IGF2BP2: variants seen among roughly 807,000 people sequenced by gnomAD.
The protein encoded by IGF2BP2 is insulin like growth factor 2 mRNA binding protein 2.
Under a neutral mutation model 75.8 loss-of-function variants are expected in IGF2BP2, and 17 were observed. The ratio of observed to expected loss-of-function variants is 0.22; its 90% CI spans 0.15 to 0.34. The LOEUF (loss-of-function observed/expected upper bound fraction) is 0.34. Among genes scored for constraint, IGF2BP2 ranks in the 10% least tolerant of loss-of-function variants. The pLI is 1.00. For synonymous variants in IGF2BP2, 288 were observed against 295.6 expected, an observed-to-expected ratio of 0.97 and a Z score of 0.26; for missense variants, 516 against 772.4, an observed-to-expected ratio of 0.67 and a Z score of 3.93.
At chr3:185,705,398 C>A (rs1191036927) in intron 2 of IGF2BP2, among the ~76,000 whole-genome samples, 4 of 152,168 alleles carry the variant, frequency 2.6e-5, no homozygotes, top group Non-Finnish European at 4.4e-5. Context: ...CCCAGCCCTG[C>A]AAAGGGTTTT....
chr3:185,796,631 A>AG (rs558852219), intron 2 of IGF2BP2, among the ~76,000 whole-genome samples: 60 of 141,812 alleles, frequency 4.2e-4, no homozygotes, highest in African/African-American at 7.3e-4. Flanking sequence ...AAAAAAAAAA[A>AG]AAAGAGAGAG....
At chr3:185,752,918 ATAAG>A (rs778032954) in intron 2 of IGF2BP2, among the ~76,000 whole-genome samples, 3 of 152,312 alleles carry the variant, frequency 2.0e-5, no homozygotes, top group South Asian at 4.2e-4. Context: ...TTTTAAAAAA[ATAAG>A]TAAGAGGGAG....
chr3:185,700,599 A>G (rs1420502950), intron 2 of IGF2BP2, among the ~76,000 whole-genome samples: 1 of 152,234 alleles, frequency 6.6e-6, no homozygotes, highest in East Asian at 1.9e-4. Context: ...CAGTCTGTAG[A>G]AAGGGCATCA....
chr3:185,673,455 A>G (rs1325753764), intron 9 of IGF2BP2, among the ~76,000 whole-genome samples: 1 of 152,220 alleles, frequency 6.6e-6, no homozygotes, highest in Non-Finnish European at 1.5e-5. Context: ...GATGGTTTAC[A>G]ACTTTGTCTC....
intron 2 of IGF2BP2, among the ~76,000 whole-genome samples, chr3:185,813,068 T>C (rs947483276): frequency 1.3e-5 from 2 of 152,208 alleles, no homozygotes; most frequent in Non-Finnish European, 2.9e-5. Context: ...TCTCGTGATG[T>C]AGAAATAATT....
At chr3:185,673,281 G>A (rs1325647007) in intron 9 of IGF2BP2, among the ~76,000 whole-genome samples, 3 of 152,116 alleles carry the variant, frequency 2.0e-5, no homozygotes, top group South Asian at 2.1e-4. Flanking sequence ...ACTTAGTGTC[G>A]TGTTCTCAGT....
intron 10 of IGF2BP2, among the ~76,000 whole-genome samples, chr3:185,663,829 T>C (rs1452799063): frequency 6.6e-6 from 1 of 152,266 alleles, no homozygotes; most frequent in Middle Eastern, 3.2e-3. Context: ...AAACCATCCT[T>C]GCATCCCAGG....
chr3:185,811,832 C>G (rs1348220054), intron 2 of IGF2BP2, among the ~76,000 whole-genome samples: 1 of 34,730 alleles, frequency 2.9e-5, no homozygotes, highest in Admixed American at 3.6e-4. Flanking sequence ...AGTAGGGTGT[C>G]TCTCTCTCTC....
rs1156510512 is a variant in IGF2BP2, at chr3:185,692,692, T to C, written c.404+7A>G. 1.9e-6 allele frequency: 3 copies of C among 1,608,518 alleles called. No homozygotes were observed. The Admixed American group carries it at 5.0e-5, about 27-fold the overall frequency. On this transcript the variant is annotated splice_region_variant and intron_variant, in intron 5 of 15. Transcript: ENST00000382199. Reference sequence around the variant, plus strand: ...ATTTAAACAGAAATAAGCCCAAATCTGCTTACATTTTTGCTTCTTCTCTTG... The same window carrying C: ...ATTTAAACAGAAATAAGCCCAAATCCGCTTACATTTTTGCTTCTTCTCTTG...
chr3:185,781,158 T>C (rs1386983383), intron 2 of IGF2BP2, among the ~76,000 whole-genome samples: 3 of 152,208 alleles, frequency 2.0e-5, no homozygotes, highest in Non-Finnish European at 4.4e-5. Context: ...ACTACTACCC[T>C]ATCCTCAACA....
chr3:185,734,879 T>C (rs948809011), intron 2 of IGF2BP2, among the ~76,000 whole-genome samples: 1 of 152,102 alleles, frequency 6.6e-6, no homozygotes, highest in African/African-American at 2.4e-5. Flanking sequence ...CCATTTGACC[T>C]TGGCCAATTA....
intron 6 of IGF2BP2, among the ~76,000 whole-genome samples, chr3:185,688,062 C>T (rs1314831331): frequency 6.6e-6 from 1 of 152,126 alleles, no homozygotes; most frequent in African/African-American, 2.4e-5. Flanking sequence ...ACTTCCCTCT[C>T]TATTTCCTCA....
In IGF2BP2 at chr3:185,787,457, G is replaced by A. The variant is rs550665374; in HGVS notation, c.239+35696C>T. ...GGCTAAAAGAGCTCTGACAGGCCGG[G>A]CGCGGCGGCTCACGCCTGTAATCCC... On this transcript the variant is annotated intron_variant, in intron 2 of 15. Transcript: ENST00000382199. Among the ~76,000 whole-genome samples, 7 of 152,330 alleles carry A rather than the reference G, an allele frequency of 4.6e-5. No homozygotes were observed. In the East Asian group the frequency reaches 1.3e-3, roughly 29 times the overall value.
chr3:185,789,261 C>A (rs1313263073), intron 2 of IGF2BP2, among the ~76,000 whole-genome samples: 6 of 152,134 alleles, frequency 3.9e-5, no homozygotes, highest in African/African-American at 1.2e-4. Context: ...TAACTGTTTA[C>A]AGCAGTTCCC....
At chr3:185,806,418 G>A (rs1292058263) in intron 2 of IGF2BP2, among the ~76,000 whole-genome samples, 1 of 151,872 alleles carries the variant, frequency 6.6e-6, no homozygotes, top group Non-Finnish European at 1.5e-5. Context: ...CACTCCTAAG[G>A]GACTCTAATA....
chr3:185,670,526 G>T (rs1360180972), intron 10 of IGF2BP2, among the ~76,000 whole-genome samples: 1 of 152,094 alleles, frequency 6.6e-6, no homozygotes, highest in Non-Finnish European at 1.5e-5. Context: ...TGGCCCTCAG[G>T]TTGTAGCATG....
intron 2 of IGF2BP2, among the ~76,000 whole-genome samples, chr3:185,821,588 T>G (rs1045574243): frequency 2.0e-5 from 3 of 152,150 alleles, no homozygotes; most frequent in African/African-American, 7.2e-5. Flanking sequence ...AATTAAATAA[T>G]GCACACTGCA....
rs181832948 is a variant in IGF2BP2 at position 185,669,027 on chromosome 3, A to C, written c.1200+3514T>G. Among the ~76,000 whole-genome samples the C allele has an allele frequency of 3.7e-3, 556 of 152,306 alleles. 2 individuals carry two copies. Among genetic ancestry groups the C allele is most frequent in the African/African-American group, 0.013 (521 of 41,588 alleles). On this transcript the variant is annotated intron_variant, in intron 10 of 15. Coordinates refer to ENST00000382199, the MANE Select transcript of IGF2BP2 (RefSeq NM_006548.6). ...CAGAAAGCAACTTATCAGAGAGAAC[A>C]AAAATGGCTAATATGAAATTGTTTA...
intron 2 of IGF2BP2, among the ~76,000 whole-genome samples, chr3:185,719,127 A>G (rs1275987365): frequency 2.0e-5 from 3 of 152,212 alleles, no homozygotes; most frequent in East Asian, 3.9e-4. Context: ...AGACAGATGA[A>G]TACTAAGTGG....
Sources: allele counts gnomAD v4.1 joint callset (sites outside exome capture counted in the v4.1 genomes callset), GRCh38; gene constraint gnomAD v4.1.1; transcripts MANE v1.5; gene names NCBI Gene and HGNC (gene_info 2026-07-23, HGNC 2026-07-21).